The following ACOT8 variants were observed in gnomAD, a reference collection of about 807,000 sequenced individuals.
ACOT8 encodes the protein acyl-CoA thioesterase 8.
A neutral mutation model predicts 38.4 loss-of-function variants in ACOT8; 31 were observed. That is an observed-to-expected ratio of 0.81 (90% CI 0.61 to 1.09). The LOEUF (loss-of-function observed/expected upper bound fraction) is 1.09. Among genes scored for constraint, ACOT8 ranks in the 50% least tolerant of loss-of-function variants. The probability of loss-of-function intolerance (pLI) is 0.00; values close to 1 mark genes in which losing one functional copy is unlikely to be tolerated. For missense variants in ACOT8, 373 were observed against 421.8 expected, an observed-to-expected ratio of 0.88 and a Z score of 1.01; for synonymous variants, 158 against 170.3, an observed-to-expected ratio of 0.93 and a Z score of 0.56.
At chr20:45,846,371 T>C (rs997274155) in intron 3 of ACOT8, among the ~76,000 whole-genome samples, 2 of 152,106 alleles carry the variant, frequency 1.3e-5, no homozygotes, top group Non-Finnish European at 2.9e-5. Flanking sequence ...TTTTCTCTCT[T>C]ATTTAATCCT....
At chr20:45,854,483 A>C (rs1053093349) in intron 2 of ACOT8, among the ~76,000 whole-genome samples, 1 of 152,202 alleles carries the variant, frequency 6.6e-6, no homozygotes, top group Non-Finnish European at 1.5e-5. Flanking sequence ...TGCTGGGATT[A>C]CAGGCGTGAG....
At chr20:45,843,859 T>G in intron 4 of ACOT8, 138 bp from the exon 5 acceptor site, 1 of 1,447,242 alleles carries the variant, frequency 6.9e-7, no homozygotes, top group Non-Finnish European at 9.1e-7. Context: ...ACAGTGTGTG[T>G]GTGTGATAGG....
chr20:45,852,338 T>G (rs930878221), intron 2 of ACOT8, among the ~76,000 whole-genome samples: 2 of 144,240 alleles, frequency 1.4e-5, no homozygotes, highest in African/African-American at 2.8e-5. Flanking sequence ...TGGCTAATTT[T>G]TGTGTGTGTT....
rs138520748 is a variant in ACOT8, at chr20:45,849,577, A to C, written c.263-902T>G. 2.0e-5 allele frequency among the ~76,000 whole-genome samples: 3 copies of C among 151,996 alleles called. 1 individual carries two copies. The highest frequency in any genetic ancestry group is 4.4e-5 in the Non-Finnish European group (3 of 67,958). ...GCCATGCTCATGCCTCAGCCTCCTA[A>C]GTAGCTGGGACTACAGGCGTGCGCC... is the stretch of plus-strand genomic sequence containing the variant. On this transcript the variant is annotated intron_variant, in intron 2 of 5. Transcript: ENST00000217455.
intron 3 of ACOT8, among the ~76,000 whole-genome samples, chr20:45,844,635 T>C (rs1417603441): frequency 1.3e-5 from 2 of 152,134 alleles, no homozygotes; most frequent in Admixed American, 6.5e-5. Flanking sequence ...CTGAGTCTAT[T>C]TTCCCATCTG....
At position 45,842,297 on chromosome 20, in the gene ACOT8, T is replaced by C; in HGVS notation, c.842-341A>G. On this transcript the variant is annotated intron_variant, in intron 5 of 5. Coordinates refer to ENST00000217455, the MANE Select transcript of ACOT8 (RefSeq NM_005469.4). Reference sequence around the variant, plus strand: ...CCCACAGGAACCCCAGTTGACAGTTTAAAAGCACTTTCACACCTCTCCTCG... The same window carrying C: ...CCCACAGGAACCCCAGTTGACAGTTCAAAAGCACTTTCACACCTCTCCTCG... 3 of 1,423,060 alleles carry C rather than the reference T, an allele frequency of 2.1e-6. No homozygotes were observed. In the South Asian group the frequency reaches 4.6e-5, roughly 22 times the overall value. 88.2% of individuals were successfully genotyped at this position (1,423,060 alleles called of 1,614,324 possible).
rs536319264 is a variant in ACOT8 at position 45,843,448 on chromosome 20, G to A, written c.841+79C>T. On this transcript the variant is annotated intron_variant, in intron 5 of 5. Coordinates refer to ENST00000217455, the MANE Select transcript of ACOT8 (RefSeq NM_005469.4). ...CCTGTGCAGCGCCACACAGGAAGTC[G>A]GGAAATCAGCATCACCCAAGAAAGC... The A allele has an allele frequency of 1.1e-4, 171 of 1,531,364 alleles. 1 individual carries two copies. The highest frequency in any genetic ancestry group is 1.2e-4 in the East Asian group (5 of 41,608). 94.9% of individuals were successfully genotyped at this position (1,531,364 alleles called of 1,614,324 possible). A position where few individuals can be genotyped will look rare whatever the true frequency, so the allele number is the denominator to read the frequency against.
Position 45,848,466 on chromosome 20 carries a change from T to C in ACOT8, c.472A>G (p.Ile158Val). The C allele has an allele frequency of 6.2e-7, 1 of 1,606,846 alleles. No individual in the cohort carries two copies. The highest frequency in any genetic ancestry group is 8.5e-7 in the Non-Finnish European group (1 of 1,175,494). Reference sequence around the variant, plus strand: ...GTCTCTCACCTTAAATACTGGTCAATGAGGGTCTCACAGTCAAGCAGCTCT... The same window carrying C: ...GTCTCTCACCTTAAATACTGGTCAACGAGGGTCTCACAGTCAAGCAGCTCT... The part of the protein sequence containing the change: ...PEELLDCETL[I>V]DQYLRDPNLQ... The change falls in exon 3 of 6, where the codon ATT (isoleucine) becomes GTT (valine). Residue 158 changes from isoleucine to valine, a missense_variant. By Grantham distance (29) the Ile-to-Val change is conservative (BLOSUM62 3). Coordinates refer to ENST00000217455, the MANE Select transcript of ACOT8 (RefSeq NM_005469.4).
In ACOT8 at chr20:45,857,390, G is replaced by A; in HGVS notation, c.-75C>T. ...GACATACACAGAACCTGACTCTTCCGGCAGATTGCCCTAGTAACCGGAAGT... is the reference window on the plus strand; with the variant it reads ...GACATACACAGAACCTGACTCTTCCAGCAGATTGCCCTAGTAACCGGAAGT... On this transcript the variant is annotated 5_prime_UTR_variant, in exon 1 of 6. Coordinates refer to ENST00000217455, the MANE Select transcript of ACOT8 (RefSeq NM_005469.4). The A allele has an allele frequency of 6.6e-7, 1 of 1,504,586 alleles. No individual in the cohort carries two copies. The highest frequency in any genetic ancestry group is 2.1e-5 in the Admixed American group (1 of 46,996). The allele number at this position is 1,504,586 out of a possible 1,614,324, so 93.2% of individuals were successfully genotyped here. A position where few individuals can be genotyped will look rare whatever the true frequency, so the allele number is the denominator to read the frequency against.
chr20:45,856,847 C>G (rs1156887112), intron 1 of ACOT8, among the ~76,000 whole-genome samples: 1 of 152,220 alleles, frequency 6.6e-6, no homozygotes, highest in Non-Finnish European at 1.5e-5. Context: ...GGAGCTGCGG[C>G]GTCGGTTTTA....
In ACOT8 at chr20:45,848,447, C is replaced by A; in HGVS notation, c.488+3G>T. The A allele has an allele frequency of 6.4e-7, 1 of 1,571,708 alleles. No individual in the cohort carries two copies. Among genetic ancestry groups the A allele is most frequent in the South Asian group, 1.2e-5 (1 of 86,446 alleles). ...TCTGCCATGGAGCCTCCAGGTCTCT[C>A]ACCTTAAATACTGGTCAATGAGGGT... On this transcript the variant is annotated splice_donor_region_variant and intron_variant, in intron 3 of 5. Coordinates refer to ENST00000217455, the MANE Select transcript of ACOT8 (RefSeq NM_005469.4).
At position 45,857,176 on chromosome 20, in the gene ACOT8, G is replaced by A; in HGVS notation, c.128+12C>T. The A allele has an allele frequency of 6.2e-7, 1 of 1,609,024 alleles. No individual in the cohort carries two copies. Among genetic ancestry groups the A allele is most frequent in the Admixed American group, 1.7e-5 (1 of 59,480 alleles). On this transcript the variant is annotated intron_variant, in intron 1 of 5. Coordinates refer to ENST00000217455, the MANE Select transcript of ACOT8 (RefSeq NM_005469.4). ...CTAAAGGAGGGGATGCTGGGCAGGA[G>A]CTGCCGGCTACCTGAAGAGATCCTC...
intron 4 of ACOT8, chr20:45,844,023 A>G: frequency 1.3e-6 from 1 of 781,572 alleles, no homozygotes; most frequent in Non-Finnish European, 2.1e-6. Context: ...GCTGGACAAC[A>G]ACCCCAGCGA....
intron 4 of ACOT8, chr20:45,843,963 G>A (rs34247032): frequency 0.028 from 23,984 of 848,352 alleles, 600 homozygotes; most frequent in Admixed American, 0.12. Context: ...GGCCCCAAAA[G>A]GGGTGTCTTC....
intron 5 of ACOT8, 172 bp downstream of exon 5, chr20:45,843,355 G>A (rs983974499): frequency 3.4e-6 from 3 of 891,170 alleles, no homozygotes; most frequent in East Asian, 2.6e-5. Flanking sequence ...CAGAGCAGGT[G>A]TCCCGGCCTC....
chr20:45,855,028 G>T, intron 2 of ACOT8, 131 bp downstream of exon 2: 2 of 1,304,554 alleles, frequency 1.5e-6, no homozygotes, highest in Non-Finnish European at 2.1e-6. Context: ...ACACCTCTTA[G>T]GGTGGTAGTG....
chr20:45,849,421 G>A (rs959710888), intron 2 of ACOT8, among the ~76,000 whole-genome samples: 1 of 151,836 alleles, frequency 6.6e-6, no homozygotes, highest in Non-Finnish European at 1.5e-5. Context: ...AGTGGGGGGG[G>A]ACTACAGGGG....
Position 45,841,861 on chromosome 20 carries a change from G to A in ACOT8, c.937C>T (p.Gln313Ter). The stretch of plus-strand genomic sequence containing the variant: ...GGCTACAGCTTGCTCTCTGAGACCT[G>A]GGGCTTCACTCGGATCACGCCCTCC... ...AQEGVIRVKP[Q>*]VSESKL The change falls in exon 6 of 6, where the codon CAG becomes TAG. Residue 313 changes from glutamine (Q) to a stop codon, truncating the protein, a stop_gained. Coordinates refer to ENST00000217455, the MANE Select transcript of ACOT8 (RefSeq NM_005469.4). LOFTEE classifies it high-confidence loss of function. 1 of 1,606,762 alleles carries A rather than the reference G, an allele frequency of 6.2e-7. No individual in the cohort carries two copies. Among genetic ancestry groups the A allele is most frequent in the Non-Finnish European group, 8.5e-7 (1 of 1,177,858 alleles).
intron 2 of ACOT8, chr20:45,853,751 T>G: frequency 2.6e-6 from 1 of 377,910 alleles, no homozygotes; most frequent in Non-Finnish European, 5.0e-6. Flanking sequence ...TTCAAATACT[T>G]TATAGCAGTG....
Sources: gnomAD v4.1 joint callset for allele counts (sites outside exome capture counted in the v4.1 genomes callset) on GRCh38, gnomAD v4.1.1 for gene constraint, MANE v1.5 for transcripts, NCBI Gene and HGNC (gene_info 2026-07-23, HGNC 2026-07-21) for gene names.